The following STX12 variants were observed in gnomAD, a reference collection of about 807,000 sequenced individuals.
STX12 encodes syntaxin 12, also known as syntaxin-12.
In STX12, 17 loss-of-function variants were observed where a neutral mutation model predicts 42.2. The ratio of observed to expected loss-of-function variants is 0.40; its 90% confidence interval spans 0.28 to 0.60. The LOEUF (loss-of-function observed/expected upper bound fraction) is 0.60, where lower values mean the gene tolerates loss of function less well. STX12 is among the 20% of genes least tolerant of loss of function. The pLI is 0.39. For synonymous variants in STX12, 108 were observed against 116.7 expected, an observed-to-expected ratio of 0.93 and a Z score of 0.48; for missense variants, 297 against 330.9, an observed-to-expected ratio of 0.90 and a Z score of 0.79.
At chr1:27,821,440 A>T (rs1056081040) in intron 8 of STX12, among the ~76,000 whole-genome samples, 1 of 152,186 alleles carries the variant, frequency 6.6e-6, no homozygotes, top group Admixed American at 6.5e-5. Context: ...AAAACATCAA[A>T]CATCATACAA....
At chr1:27,800,566 A>G (rs558996375) in intron 3 of STX12, among the ~76,000 whole-genome samples, 4 of 150,444 alleles carry the variant, frequency 2.7e-5, no homozygotes, top group Admixed American at 1.3e-4. Flanking sequence ...GTTTCACTCT[A>G]TTGCTGAGGC....
intron 2 of STX12, among the ~76,000 whole-genome samples, chr1:27,790,591 T>A (rs534097514): frequency 1.3e-5 from 2 of 152,282 alleles, no homozygotes; most frequent in South Asian, 4.1e-4. Context: ...AACCCAGAAG[T>A]CCAGCTGGCT....
rs931070951 is a variant in STX12, at chr1:27,824,170, A to G, written c.*1841A>G. 1.3e-4 allele frequency: 20 copies of G among 152,288 alleles called. No homozygotes were observed. The highest frequency in any genetic ancestry group is 3.4e-3 in the Middle Eastern group (1 of 294). 9.4% of individuals were successfully genotyped at this position (152,288 alleles called of 1,614,324 possible). A position where few individuals can be genotyped will look rare whatever the true frequency, so the allele number is the denominator to read the frequency against. On this transcript the variant is annotated 3_prime_UTR_variant, in exon 9 of 9. Coordinates refer to ENST00000373943, the MANE Select transcript of STX12 (RefSeq NM_177424.3). ...GCTTCAGAGATAATTCCTTGGTTCT[A>G]TGATCCCTGTTTAACTCCAAATTAC... is the stretch of plus-strand genomic sequence containing the variant.
intron 5 of STX12, 53 bp downstream of exon 5, chr1:27,810,342 C>A: frequency 1.3e-6 from 2 of 1,494,104 alleles, no homozygotes; most frequent in Non-Finnish European, 1.8e-6. Context: ...GAATCTATCT[C>A]GTTATATTTT....
chr1:27,800,301 C>T lies in STX12; in HGVS notation c.289-1377C>T, dbSNP rs139741185. Among the ~76,000 whole-genome samples the T allele has an allele frequency of 3.0e-3, 464 of 152,174 alleles. 5 individuals are homozygous for T. The highest frequency in any genetic ancestry group is 0.011 in the African/African-American group (437 of 41,516). On this transcript the variant is annotated intron_variant, in intron 3 of 8. Coordinates refer to ENST00000373943, the MANE Select transcript of STX12 (RefSeq NM_177424.3). ...ACCTTCTCTTGAGGCCTTTCTTGGC[C>T]GCTTGAGTTCTTACTGATTATTCCT...
At chr1:27,779,750 A>C (rs988059418) in intron 1 of STX12, among the ~76,000 whole-genome samples, 12 of 149,322 alleles carry the variant, frequency 8.0e-5, no homozygotes, top group African/African-American at 2.9e-4. Context: ...ATGTTTCTCA[A>C]CTCTATCTTT....
chr1:27,813,600 C>T (rs1403577677), intron 6 of STX12, among the ~76,000 whole-genome samples: 2 of 152,182 alleles, frequency 1.3e-5, no homozygotes, highest in African/African-American at 2.4e-5. Flanking sequence ...TGGCCTCCAT[C>T]TGTAGCAGTG....
At position 27,815,216 on chromosome 1, in the gene STX12, A is replaced by G. The variant is rs987031894; in HGVS notation, c.577-2635A>G. The stretch of plus-strand genomic sequence containing the variant: ...CTGGAACCAATCCCCCACGGATACC[A>G]AGGGACGAATGTACCGTTATAGCAA... On this transcript the variant is annotated intron_variant, in intron 6 of 8. Coordinates refer to ENST00000373943, the MANE Select transcript of STX12 (RefSeq NM_177424.3). Among the ~76,000 whole-genome samples, 10 of 152,322 alleles carry G rather than the reference A, an allele frequency of 6.6e-5. No individual in the cohort carries two copies. In the East Asian group the frequency reaches 1.5e-3, roughly 23 times the overall value.
At position 27,801,810 on chromosome 1, in the gene STX12, C is replaced by G. The variant is rs201960361; in HGVS notation, c.421C>G (p.Leu141Val). ...TGCCAGAGCAAGAGCTGGATCTCGT[C>G]TTTCTGTAAGTTGATTCCCAAAAGA... ...SIARARAGSR[L>V]SAEERQREEQ... The change falls in exon 4 of 9, where the codon CTT (leucine) becomes GTT (valine). Residue 141 changes from leucine to valine, a missense_variant. Leu to Val is a conservative substitution (Grantham distance 32). Transcript: ENST00000373943. 6.3e-7 allele frequency: 1 copy of G among 1,578,320 alleles called. No homozygotes were observed.
intron 6 of STX12, among the ~76,000 whole-genome samples, chr1:27,812,543 G>A (rs2088910566): frequency 6.6e-6 from 1 of 151,974 alleles, no homozygotes; most frequent in South Asian, 2.1e-4. Flanking sequence ...CTGGGTTCGA[G>A]CGATTCTCCT....
intron 8 of STX12, 168 bp downstream of exon 8, chr1:27,819,900 A>G (rs1281027085): frequency 1.8e-6 from 1 of 550,090 alleles, no homozygotes; most frequent in Non-Finnish European, 3.3e-6. Context: ...TTGCAGATAG[A>G]TCTACAAAAA....
intron 5 of STX12, among the ~76,000 whole-genome samples, chr1:27,810,954 A>C (rs778485183): frequency 7.9e-5 from 12 of 152,106 alleles, no homozygotes; most frequent in Non-Finnish European, 1.3e-4. Context: ...GGGAAAACAC[A>C]TAATAATGGA....
chr1:27,815,787 G>A (rs56314787), intron 6 of STX12, among the ~76,000 whole-genome samples: 1,847 of 152,278 alleles, frequency 0.012, 30 homozygotes, highest in African/African-American at 0.042. Context: ...GAAGGGAATT[G>A]CCCTCAAATT....
intron 8 of STX12, among the ~76,000 whole-genome samples, chr1:27,822,027 A>G (rs2088988154): frequency 6.6e-6 from 1 of 152,106 alleles, no homozygotes; most frequent in African/African-American, 2.4e-5. Flanking sequence ...CAAGAAAAAA[A>G]AAAACACCAA....
chr1:27,780,742 A>G (rs963139286), intron 1 of STX12, among the ~76,000 whole-genome samples: 48 of 152,040 alleles, frequency 3.2e-4, no homozygotes, highest in African/African-American at 1.1e-3. Context: ...TCTTGAGCTC[A>G]GAAATTTGAG....
intron 2 of STX12, among the ~76,000 whole-genome samples, chr1:27,790,136 G>T (rs2088729297): frequency 6.6e-6 from 1 of 152,196 alleles, no homozygotes; most frequent in African/African-American, 2.4e-5. Context: ...AAACAATATA[G>T]TAGAACAATT....
chr1:27,793,486 C>T (rs1437795808), intron 2 of STX12, 47 bp from the exon 3 acceptor site: 1 of 1,517,868 alleles, frequency 6.6e-7, no homozygotes, highest in South Asian at 1.1e-5. Context: ...TGTGTATAAC[C>T]CTCTCAAGAA....
chr1:27,792,270 G>GTATCTATATATATGTAGATACATATA (rs2088752728), intron 2 of STX12, among the ~76,000 whole-genome samples: 1 of 121,580 alleles, frequency 8.2e-6, no homozygotes, highest in African/African-American at 3.1e-5. Context: ...ACATATATAT[G>GTATCTATATATATGTAGATACATATA]TATCTATATA....
chr1:27,795,519 T>C (rs1352733550), intron 3 of STX12, among the ~76,000 whole-genome samples: 2 of 152,136 alleles, frequency 1.3e-5, no homozygotes, highest in Non-Finnish European at 2.9e-5. Flanking sequence ...TTGGCCAGGC[T>C]GGTTTCAAAC....
Sources: allele counts gnomAD v4.1 joint callset (sites outside exome capture counted in the v4.1 genomes callset), GRCh38; gene constraint gnomAD v4.1.1; transcripts MANE v1.5; gene names NCBI Gene and HGNC (gene_info 2026-07-23, HGNC 2026-07-21).